Variants in SLC7A14 observed in about 807,000 individuals in gnomAD.
SLC7A14 encodes solute carrier family 7 member 14.
SLC7A14 carries 37 observed loss-of-function variants against 60.2 expected under a neutral mutation model. The ratio of observed to expected loss-of-function variants is 0.61; its 90% confidence interval spans 0.47 to 0.81. SLC7A14 has a LOEUF of 0.81. Among genes scored for constraint, SLC7A14 ranks in the 30% least tolerant of loss-of-function variants. The pLI is 0.00. For missense variants in SLC7A14, 886 were observed against 982.7 expected, an observed-to-expected ratio of 0.90 and a Z score of 1.32; for synonymous variants, 399 against 395.8, an observed-to-expected ratio of 1.01 and a Z score of -0.10.
Position 170,479,390 on chromosome 3 carries a change from G to C in SLC7A14, c.1993+899C>G, listed in dbSNP as rs368666203. ...ATGAGTCTTCCATTACACTTCTCAAGTTCTTACTAGCATCAATCCCCAGCC... is the reference window on the plus strand; with the variant it reads ...ATGAGTCTTCCATTACACTTCTCAACTTCTTACTAGCATCAATCCCCAGCC... On this transcript the variant is annotated intron_variant, in intron 7 of 7. Transcript: ENST00000231706. Among the ~76,000 whole-genome samples the C allele has an allele frequency of 2.6e-5, 4 of 152,146 alleles. No individual in the cohort carries two copies. The South Asian group carries it at 8.3e-4, about 31-fold the overall frequency.
chr3:170,523,595 T>A (rs1288961687), intron 2 of SLC7A14, among the ~76,000 whole-genome samples: 1 of 152,208 alleles, frequency 6.6e-6, no homozygotes, highest in African/African-American at 2.4e-5. Context: ...ATCTCAACTT[T>A]CTCTTTACTT....
At chr3:170,472,014 T>C (rs961517556) in intron 7 of SLC7A14, among the ~76,000 whole-genome samples, 2 of 151,604 alleles carry the variant, frequency 1.3e-5, no homozygotes, top group African/African-American at 4.8e-5. Context: ...AGTTGATGGG[T>C]CATGGTGGGG....
chr3:170,499,111 C>T (rs1712517536), intron 3 of SLC7A14, among the ~76,000 whole-genome samples: 1 of 151,484 alleles, frequency 6.6e-6, no homozygotes, highest in Admixed American at 6.6e-5. Context: ...GTGGCGGGCG[C>T]CTGTAGTCCC....
At chr3:170,485,998 G>A (rs774764764) in intron 5 of SLC7A14, among the ~76,000 whole-genome samples, 5 of 152,140 alleles carry the variant, frequency 3.3e-5, no homozygotes, top group Non-Finnish European at 5.9e-5. Context: ...TGAGGATGGA[G>A]GGGTGGGAAT....
Position 170,526,938 on chromosome 3 carries a change from T to A in SLC7A14, c.-2A>T. 6.2e-7 allele frequency: 1 copy of A among 1,611,592 alleles called. No homozygotes were observed. Among genetic ancestry groups the A allele is most frequent in the South Asian group, 1.1e-5 (1 of 90,554 alleles). ...CAGCGAGGTGAAGAAGCCACTCATC[T>A]TGAGCGATAGGGGATGCAGTGAAGG... is the stretch of plus-strand genomic sequence containing the variant. On this transcript the variant is annotated 5_prime_UTR_variant, in exon 2 of 8. The change creates a new upstream start codon in the 5' untranslated region. Coordinates refer to ENST00000231706, the MANE Select transcript of SLC7A14 (RefSeq NM_020949.3).
intron 7 of SLC7A14, among the ~76,000 whole-genome samples, chr3:170,471,884 C>T (rs1159722912): frequency 6.6e-6 from 1 of 152,134 alleles, no homozygotes; most frequent in Non-Finnish European, 1.5e-5. Context: ...TTTGTAGTTA[C>T]ATAACTTATG....
chr3:170,504,359 C>T (rs769445675), intron 2 of SLC7A14, among the ~76,000 whole-genome samples: 3 of 151,754 alleles, frequency 2.0e-5, no homozygotes, highest in Non-Finnish European at 2.9e-5. Flanking sequence ...TTCACTCTGT[C>T]GCCCAGGCTG....
intron 1 of SLC7A14, among the ~76,000 whole-genome samples, chr3:170,545,728 T>C (rs1217065178): frequency 2.0e-5 from 3 of 152,248 alleles, no homozygotes; most frequent in Non-Finnish European, 2.9e-5. Flanking sequence ...TTTTAAGTCT[T>C]CTTCTCCTGC....
chr3:170,518,620 CG>C (rs1232803661), intron 2 of SLC7A14, among the ~76,000 whole-genome samples: 1 of 152,216 alleles, frequency 6.6e-6, no homozygotes, highest in Non-Finnish European at 1.5e-5. Flanking sequence ...CTAACCTTCC[CG>C]GCATGGCCTC....
Position 170,480,631 on chromosome 3 carries a change from G to A in SLC7A14, c.1651C>T (p.Pro551Ser). Residue 551 changes from proline (P) to serine (S), a missense_variant, in exon 7 of 8, where the codon CCA becomes TCA. Coordinates refer to ENST00000231706, the MANE Select transcript of SLC7A14 (RefSeq NM_020949.3). ...YYTMRIRLGL[P>S]GKMDRPTAAT... is the part of the protein sequence containing the mutation. ...GCTGTGGGCCGGTCCATTTTGCCTG[G>A]AAGGCCCAGCCGGATTCTCATGGTG... is the stretch of plus-strand genomic sequence containing the variant. 6.2e-7 allele frequency: 1 copy of A among 1,614,230 alleles called. No individual in the cohort carries two copies. Among genetic ancestry groups the A allele is most frequent in the Non-Finnish European group, 8.5e-7 (1 of 1,180,042 alleles).
At chr3:170,527,125 G>A (rs944622687) in intron 1 of SLC7A14, 37 bp from the exon 2 acceptor site, 9 of 634,336 alleles carry the variant, frequency 1.4e-5, no homozygotes, top group African/African-American at 9.2e-5. Context: ...AGATGAGACC[G>A]AGTGAGAAAC....
chr3:170,569,327 A>G (rs1438603096), intron 1 of SLC7A14, among the ~76,000 whole-genome samples: 1 of 152,174 alleles, frequency 6.6e-6, no homozygotes, highest in East Asian at 1.9e-4. Context: ...TGATTTGCGT[A>G]TGTTGAACCA....
At chr3:170,485,142 T>C (rs1179637820) in intron 5 of SLC7A14, among the ~76,000 whole-genome samples, 2 of 152,146 alleles carry the variant, frequency 1.3e-5, no homozygotes, top group Non-Finnish European at 2.9e-5. Flanking sequence ...AGGGTATGTA[T>C]GGACACGATG....
intron 4 of SLC7A14, chr3:170,496,344 A>G (rs1712393294): frequency 1.6e-6 from 2 of 1,266,428 alleles, no homozygotes; most frequent in East Asian, 4.6e-5. Flanking sequence ...GTGTACAAAG[A>G]CTTAGATCTC....
At chr3:170,467,486 C>CGGGGGGGGG in intron 7 of SLC7A14, 109 bp from the exon 8 acceptor site, 1 of 64,134 alleles carries the variant, frequency 1.6e-5, no homozygotes, top group Non-Finnish European at 3.1e-5. Flanking sequence ...GGGTGGGGGG[C>CGGGGGGGGG]GGTGGGGGCG....
intron 4 of SLC7A14, among the ~76,000 whole-genome samples, chr3:170,486,964 G>T (rs1196030738): frequency 6.7e-6 from 1 of 150,084 alleles, no homozygotes; most frequent in Non-Finnish European, 1.5e-5. Context: ...ATTACTGTTA[G>T]TACCCCTGAC....
intron 1 of SLC7A14, among the ~76,000 whole-genome samples, chr3:170,543,000 A>G (rs1714066719): frequency 6.6e-6 from 1 of 152,116 alleles, no homozygotes; most frequent in Admixed American, 6.5e-5. Context: ...AACCTGAAAA[A>G]GAAATGGGAA....
At chr3:170,548,946 G>A (rs747078933) in intron 1 of SLC7A14, among the ~76,000 whole-genome samples, 3 of 152,340 alleles carry the variant, frequency 2.0e-5, no homozygotes, top group Non-Finnish European at 4.4e-5. Flanking sequence ...TGAAGGCAGA[G>A]TGTGTCTGTT....
intron 1 of SLC7A14, among the ~76,000 whole-genome samples, chr3:170,572,730 G>A (rs1714989389): frequency 6.6e-6 from 1 of 152,162 alleles, no homozygotes; most frequent in South Asian, 2.1e-4. Flanking sequence ...TATTTCTGTT[G>A]TCTATATTAG....
Sources: gnomAD v4.1 joint callset for allele counts (sites outside exome capture counted in the v4.1 genomes callset) on GRCh38, gnomAD v4.1.1 for gene constraint, MANE v1.5 for transcripts, NCBI Gene and HGNC (gene_info 2026-07-23, HGNC 2026-07-21) for gene names.